Variants in WDR43 observed in about 807,000 individuals in gnomAD.
WDR43 encodes WD repeat domain 43, also known as WD repeat-containing protein 43.
A neutral mutation model predicts 91.4 loss-of-function variants in WDR43; 13 were observed. The ratio of observed to expected loss-of-function variants is 0.14; its 90% CI spans 0.09 to 0.23. The LOEUF (loss-of-function observed/expected upper bound fraction) is 0.23. Among genes scored for constraint, WDR43 ranks in the 10% least tolerant of loss-of-function variants. WDR43 has a pLI of 1.00. For synonymous variants in WDR43, 331 were observed against 287.9 expected, an observed-to-expected ratio of 1.15 and a Z score of -1.51; for missense variants, 780 against 809.4, an observed-to-expected ratio of 0.96 and a Z score of 0.44.
rs1032591026 is a variant in WDR43 at position 28,905,653 on chromosome 2, C to T, written c.364-807C>T. On this transcript the variant is annotated intron_variant, in intron 2 of 17. Coordinates refer to ENST00000407426, the MANE Select transcript of WDR43 (RefSeq NM_015131.3). The stretch of plus-strand genomic sequence containing the variant: ...ATTTTGAAATTCTAGCTGTTTATCT[C>T]TCTCTTCTTCTCTTTTTTTTTTTTT... Among the ~76,000 whole-genome samples, 10 of 147,688 alleles carry T rather than the reference C, an allele frequency of 6.8e-5. No individual in the cohort carries two copies. In the South Asian group the frequency reaches 8.4e-4, roughly 12 times the overall value.
intron 13 of WDR43, 73 bp downstream of exon 13, chr2:28,937,026 TCTAA>T (rs1553329940): frequency 7.0e-7 from 1 of 1,426,796 alleles, no homozygotes; most frequent in Non-Finnish European, 9.5e-7. Context: ...GGTTCTGATT[TCTAA>T]CTAATAAAAC....
chr2:28,925,612 G>T (rs1671114328), intron 8 of WDR43, among the ~76,000 whole-genome samples: 3 of 152,180 alleles, frequency 2.0e-5, no homozygotes. Flanking sequence ...AATGTAATGG[G>T]CAGTGCAATG....
chr2:28,909,704 T>C (rs559526534), intron 3 of WDR43, among the ~76,000 whole-genome samples: 1 of 152,140 alleles, frequency 6.6e-6, no homozygotes, highest in East Asian at 1.9e-4. Context: ...GAGAACCCCC[T>C]CTCTACAAAA....
In WDR43 at chr2:28,895,247, C is replaced by T. The variant is rs1670455061; in HGVS notation, c.225+324C>T. Reference sequence around the variant, plus strand: ...TCCCCCTGGGGCGGCTTCCTTCTGCCGGGCCTTGGCTCATCAGAGTTCTGG... The same window carrying T: ...TCCCCCTGGGGCGGCTTCCTTCTGCTGGGCCTTGGCTCATCAGAGTTCTGG... On this transcript the variant is annotated intron_variant, in intron 1 of 17. Coordinates refer to ENST00000407426, the MANE Select transcript of WDR43 (RefSeq NM_015131.3). The T allele has an allele frequency of 1.2e-5, 3 of 260,664 alleles. 1 individual carries two copies. Among genetic ancestry groups the T allele is most frequent in the Middle Eastern group, 2.3e-3 (2 of 880 alleles). 16.1% of individuals were successfully genotyped at this position (260,664 alleles called of 1,614,324 possible).
intron 4 of WDR43, 94 bp from the exon 5 acceptor site, chr2:28,913,975 A>T: frequency 7.1e-7 from 1 of 1,414,590 alleles, no homozygotes; most frequent in Admixed American, 2.0e-5. Context: ...CCTTTCCGAT[A>T]TGTATCACAT....
At chr2:28,923,075 T>A in intron 7 of WDR43, 92 bp downstream of exon 7, 1 of 1,071,114 alleles carries the variant, frequency 9.3e-7, no homozygotes, top group Non-Finnish European at 1.4e-6. Context: ...TGCATCATAT[T>A]ACTATTCAGC....
chr2:28,931,440 C>T (rs1440166980), intron 11 of WDR43, among the ~76,000 whole-genome samples: 2 of 152,124 alleles, frequency 1.3e-5, no homozygotes, highest in East Asian at 3.9e-4. Flanking sequence ...GTTGGTATGC[C>T]CCTTCTGTCT....
intron 7 of WDR43, among the ~76,000 whole-genome samples, chr2:28,923,875 A>G (rs975120880): frequency 1.3e-5 from 2 of 152,130 alleles, no homozygotes; most frequent in African/African-American, 2.4e-5. Context: ...GTGGCAAACC[A>G]TTGAAGGATT....
At chr2:28,921,467 T>G (rs1026346630) in intron 6 of WDR43, among the ~76,000 whole-genome samples, 2 of 152,162 alleles carry the variant, frequency 1.3e-5, no homozygotes, top group Non-Finnish European at 2.9e-5. Context: ...GAATGATGGA[T>G]CAGGAAGCCA....
rs200896154 is a variant in WDR43, at chr2:28,941,521, A to G, written c.1681A>G (p.Thr561Ala). Residue 561 changes from threonine to alanine, a missense_variant, in exon 15 of 18, where the codon ACT (threonine) becomes GCT (alanine). Around this residue, in one of 4 missense-constraint regions of WDR43, gnomAD observed 426 missense variants for 467.8 expected, o/e 0.91. Coordinates refer to ENST00000407426, the MANE Select transcript of WDR43 (RefSeq NM_015131.3). ...CCAGTTAATGGAAAGCAGAGTCAAA[A>G]CTTTTCAGAAACTTTCACACCTTCA... Reference protein sequence around the residue: ...LYQLMESRVKTFQKLSHLHGK... With the variant: ...LYQLMESRVKAFQKLSHLHGK... The G allele has an allele frequency of 6.7e-4, 1,085 of 1,613,594 alleles. No individual in the cohort carries two copies. The highest frequency in any genetic ancestry group is 8.5e-4 in the Non-Finnish European group (1,007 of 1,179,784).
At chr2:28,920,760 T>C (rs1389421719) in intron 6 of WDR43, among the ~76,000 whole-genome samples, 3 of 152,078 alleles carry the variant, frequency 2.0e-5, no homozygotes, top group Admixed American at 2.0e-4. Context: ...CACTGCAAAC[T>C]CTGCCTCCCA....
At chr2:28,898,712 A>G (rs1670526772) in intron 1 of WDR43, among the ~76,000 whole-genome samples, 1 of 152,254 alleles carries the variant, frequency 6.6e-6, no homozygotes, top group South Asian at 2.1e-4. Flanking sequence ...AAAACAAAAT[A>G]GAATGGAAAG....
At chr2:28,913,311 A>G (rs751839427) in intron 4 of WDR43, among the ~76,000 whole-genome samples, 133 of 152,036 alleles carry the variant, frequency 8.7e-4, no homozygotes, top group Admixed American at 1.6e-3. Flanking sequence ...TGTATCCACA[A>G]AAAAGAAAGT....
intron 5 of WDR43, among the ~76,000 whole-genome samples, chr2:28,915,613 A>G (rs1005687622): frequency 6.6e-6 from 1 of 152,220 alleles, no homozygotes; most frequent in South Asian, 2.1e-4. Context: ...AAATGTTAAA[A>G]CCCATATTGA....
chr2:28,925,079 G>T lies in WDR43; in HGVS notation c.1012G>T (p.Ala338Ser), dbSNP rs1403788995. Reference sequence around the variant, plus strand: ...ACCAAAACCCATCCCTATTCTAGCTGCTGGTTTTTGCTCAGACAAAATGTC... The same window carrying T: ...ACCAAAACCCATCCCTATTCTAGCTTCTGGTTTTTGCTCAGACAAAATGTC... ...STPKPIPILAAGFCSDKMSLL... is the reference protein window; with the variant it reads ...STPKPIPILASGFCSDKMSLL... The change falls in exon 8 of 18, where the codon GCT becomes TCT. Residue 338 changes from alanine to serine, a missense_variant. Ala to Ser is a moderately conservative substitution (Grantham distance 99). This residue lies in a region of WDR43 where 426 missense variants were observed against 467.8 expected (regional missense o/e 0.91). Coordinates refer to ENST00000407426, the MANE Select transcript of WDR43 (RefSeq NM_015131.3). 7 of 1,613,808 alleles carry T rather than the reference G, an allele frequency of 4.3e-6. No individual in the cohort carries two copies. Among genetic ancestry groups the T allele is most frequent in the Non-Finnish European group, 5.9e-6 (7 of 1,179,880 alleles).
At chr2:28,894,970 C>T (rs767322659) in intron 1 of WDR43, 47 bp downstream of exon 1, 8 of 1,460,692 alleles carry the variant, frequency 5.5e-6, no homozygotes, top group Non-Finnish European at 7.3e-6. Context: ...CCGGGCTCGG[C>T]TTCGGGCCTC....
chr2:28,929,604 C>T lies in WDR43; in HGVS notation c.1331C>T (p.Ala444Val). ...GTTAGCATTGAAGAACGTCTGGGAG[C>T]AATGGATATAGACACACACAAAAAA... ...NEVSIEERLG[A>V]MDIDTHKKGK... The change falls in exon 11 of 18, where the codon GCA becomes GTA. Residue 444 changes from alanine to valine, a missense_variant. This residue lies in a region of WDR43 where 426 missense variants were observed against 467.8 expected (regional missense o/e 0.91). Transcript: ENST00000407426. The T allele has an allele frequency of 6.2e-7, 1 of 1,612,372 alleles. No individual in the cohort carries two copies. The highest frequency in any genetic ancestry group is 8.5e-7 in the Non-Finnish European group (1 of 1,179,130).
chr2:28,927,480 A>T (rs1671162597), intron 9 of WDR43, 89 bp from the exon 10 acceptor site: 1 of 1,444,764 alleles, frequency 6.9e-7, no homozygotes, highest in African/African-American at 1.4e-5. Context: ...CCAATAGAGG[A>T]GCCCTTTAAA....
At chr2:28,931,874 C>CTTTTTT (rs11352086) in intron 11 of WDR43, among the ~76,000 whole-genome samples, 1 of 128,392 alleles carries the variant, frequency 7.8e-6, no homozygotes, top group East Asian at 2.2e-4. Flanking sequence ...TCCCCCCGCC[C>CTTTTTT]TTTTTTTTTT....
Sources: allele counts gnomAD v4.1 joint callset (sites outside exome capture counted in the v4.1 genomes callset), GRCh38; gene constraint gnomAD v4.1.1; regional missense constraint gnomAD v4.1.1; transcripts MANE v1.5; gene names NCBI Gene and HGNC (gene_info 2026-07-23, HGNC 2026-07-21).